Variants in COLEC12 observed in about 807,000 individuals in gnomAD.
COLEC12 encodes the protein collectin subfamily member 12.
COLEC12 carries 33 observed loss-of-function variants against 71.1 expected under a neutral mutation model. That is an observed-to-expected ratio of 0.46 (90% CI 0.35 to 0.62). The LOEUF (loss-of-function observed/expected upper bound fraction) is 0.62, where lower values mean the gene tolerates loss of function less well. Among genes scored for constraint, COLEC12 ranks in the 20% least tolerant of loss-of-function variants. The pLI is 0.00. For missense variants in COLEC12, 765 were observed against 916.1 expected (o/e 0.84, Z 2.13); for synonymous variants, 350 against 353.0 (o/e 0.99, Z 0.10).
intron 2 of COLEC12, among the ~76,000 whole-genome samples, chr18:387,927 G>T (rs559653117): frequency 6.6e-6 from 1 of 152,310 alleles, no homozygotes; most frequent in African/African-American, 2.4e-5. Context: ...TCAGCCAATT[G>T]CTAGCTCTCT....
chr18:458,774 C>A (rs1375797551), intron 2 of COLEC12, among the ~76,000 whole-genome samples: 1 of 152,248 alleles, frequency 6.6e-6, no homozygotes, highest in Non-Finnish European at 1.5e-5. Flanking sequence ...AAGCCATTTT[C>A]CCCAGTTTCA....
At chr18:352,237 A>G (rs1477543122) in intron 3 of COLEC12, among the ~76,000 whole-genome samples, 1 of 152,188 alleles carries the variant, frequency 6.6e-6, no homozygotes, top group East Asian at 1.9e-4. Context: ...AATTTTTAAG[A>G]ACTAAAATAC....
At position 483,220 on chromosome 18, in the gene COLEC12, C is replaced by T. The variant is rs369403032; in HGVS notation, c.8-2463G>A. On this transcript the variant is annotated intron_variant, in intron 1 of 9. Transcript: ENST00000400256. ...TTTGAGGCCAGCCTGGCCAACATGG[C>T]GAAACCCCATCTCTACTAAAAATAT... is the stretch of plus-strand genomic sequence containing the variant. 1.1e-4 allele frequency among the ~76,000 whole-genome samples: 16 copies of T among 151,830 alleles called. No homozygotes were observed. In the East Asian group the frequency reaches 2.2e-3, roughly 20 times the overall value.
chr18:455,676 T>A (rs1263359651), intron 2 of COLEC12, among the ~76,000 whole-genome samples: 1 of 147,884 alleles, frequency 6.8e-6, no homozygotes, highest in Non-Finnish European at 1.5e-5. Context: ...GGCCTGGGTG[T>A]GTGACATTCC....
chr18:477,788 C>T (rs1298886626), intron 2 of COLEC12, among the ~76,000 whole-genome samples: 1 of 152,208 alleles, frequency 6.6e-6, no homozygotes, highest in Non-Finnish European at 1.5e-5. Flanking sequence ...GCAGAGGCAG[C>T]ATCTGACACC....
chr18:388,586 G>A (rs1336196348), intron 2 of COLEC12, among the ~76,000 whole-genome samples: 3 of 152,090 alleles, frequency 2.0e-5, no homozygotes, highest in East Asian at 3.9e-4. Flanking sequence ...TAAACTCCAG[G>A]ATTTTTTGTT....
At chr18:483,375 G>A (rs1003236984) in intron 1 of COLEC12, among the ~76,000 whole-genome samples, 1 of 149,588 alleles carries the variant, frequency 6.7e-6, no homozygotes, top group African/African-American at 2.5e-5. Flanking sequence ...TCCAGCCTGA[G>A]CGACAGAGTG....
At chr18:491,575 A>G (rs1917619912) in intron 1 of COLEC12, among the ~76,000 whole-genome samples, 1 of 152,224 alleles carries the variant, frequency 6.6e-6, no homozygotes. Flanking sequence ...GGCAGTGGTA[A>G]AAGCTACTAT....
At chr18:357,731 G>A (rs2143502177) in intron 2 of COLEC12, among the ~76,000 whole-genome samples, 1 of 152,278 alleles carries the variant, frequency 6.6e-6, no homozygotes, top group South Asian at 2.1e-4. Flanking sequence ...TATTTAATAT[G>A]ACTTAAAAAT....
intron 2 of COLEC12, among the ~76,000 whole-genome samples, chr18:439,694 G>A (rs1377987535): frequency 6.6e-6 from 1 of 152,092 alleles, no homozygotes; most frequent in African/African-American, 2.4e-5. Context: ...GATAACAAAT[G>A]TCGTCAAGGG....
intron 2 of COLEC12, among the ~76,000 whole-genome samples, chr18:392,851 C>T (rs1463927410): frequency 6.6e-6 from 1 of 152,256 alleles, no homozygotes; most frequent in Non-Finnish European, 1.5e-5. Flanking sequence ...TACTTCTCTT[C>T]CATGACTAAA....
At chr18:458,978 A>T (rs1050623860) in intron 2 of COLEC12, among the ~76,000 whole-genome samples, 1 of 152,184 alleles carries the variant, frequency 6.6e-6, no homozygotes, top group Admixed American at 6.5e-5. Context: ...GGGACCACGG[A>T]CATGCTCCAC....
At chr18:321,447 G>T (rs2143401092) in intron 9 of COLEC12, among the ~76,000 whole-genome samples, 1 of 152,312 alleles carries the variant, frequency 6.6e-6, no homozygotes, top group African/African-American at 2.4e-5. Flanking sequence ...TACATGTGAG[G>T]CACATTTATT....
chr18:441,301 C>T (rs186768241), intron 2 of COLEC12, among the ~76,000 whole-genome samples: 190 of 152,098 alleles, frequency 1.2e-3, no homozygotes, highest in African/African-American at 4.4e-3. Context: ...ACGGACTGTA[C>T]GTCTTCATAG....
At chr18:371,477 G>C (rs1034984072) in intron 2 of COLEC12, among the ~76,000 whole-genome samples, 1 of 151,310 alleles carries the variant, frequency 6.6e-6, no homozygotes, top group Non-Finnish European at 1.5e-5. Context: ...AGTGGAGCTG[G>C]AAAAGCCAGG....
In COLEC12 at chr18:408,026, A is replaced by C. The variant is rs1290030392; in HGVS notation, c.59-50504T>G. Among the ~76,000 whole-genome samples, 1 of 152,252 alleles carries C rather than the reference A, an allele frequency of 6.6e-6. No individual in the cohort carries two copies. The highest frequency in any genetic ancestry group is 6.5e-5 in the Admixed American group (1 of 15,286). The stretch of plus-strand genomic sequence containing the variant: ...ATAATAAATGGCTGGATGAATGATG[A>C]ATATGACTCATGCAGAGAAGGAATC... On this transcript the variant is annotated intron_variant, in intron 2 of 9. Coordinates refer to ENST00000400256, the MANE Select transcript of COLEC12 (RefSeq NM_130386.3). This position sits in a 1 kb window ranked among gnomAD's most constrained non-coding sequence, Gnocchi z 4.3.
intron 2 of COLEC12, among the ~76,000 whole-genome samples, chr18:472,226 C>A (rs1484043599): frequency 2.6e-5 from 4 of 152,158 alleles, no homozygotes; most frequent in Non-Finnish European, 4.4e-5. Flanking sequence ...GAAACTGAAC[C>A]CAGGCAGTCT....
chr18:346,324 T>C lies in COLEC12; in HGVS notation c.1298A>G (p.Gln433Arg). 1 of 1,612,476 alleles carries C rather than the reference T, an allele frequency of 6.2e-7. No homozygotes were observed. The highest frequency in any genetic ancestry group is 8.5e-7 in the Non-Finnish European group (1 of 1,179,238). The change falls in exon 5 of 10, where the codon CAG becomes CGG. Residue 433 changes from glutamine to arginine, a missense_variant. Coordinates refer to ENST00000400256, the MANE Select transcript of COLEC12 (RefSeq NM_130386.3). This position sits in a 1 kb window ranked among gnomAD's most constrained non-coding sequence, Gnocchi z 4.0. Reference sequence around the variant, plus strand: ...TAGTATTGTAAAATTCTTGATGAGCTGACCATGCTTGGAGTCTACTAGCTT... The same window carrying C: ...TAGTATTGTAAAATTCTTGATGAGCCGACCATGCTTGGAGTCTACTAGCTT... ...EMKLVDSKHG[Q>R]LIKNFTILQG... is the part of the protein sequence containing the mutation.
At chr18:390,394 G>C (rs997144555) in intron 2 of COLEC12, among the ~76,000 whole-genome samples, 1 of 152,308 alleles carries the variant, frequency 6.6e-6, no homozygotes, top group Non-Finnish European at 1.5e-5. Flanking sequence ...TGTTGTTGCT[G>C]TATGTTCCAT....
Sources: allele counts gnomAD v4.1 joint callset (sites outside exome capture counted in the v4.1 genomes callset), GRCh38; gene constraint gnomAD v4.1.1; non-coding constraint Gnocchi (gnomAD v3.1); transcripts MANE v1.5; gene names NCBI Gene and HGNC (gene_info 2026-07-23, HGNC 2026-07-21).